AARS2: variants seen among roughly 807,000 people sequenced by gnomAD.
The protein encoded by AARS2 is alanyl-tRNA synthetase 2, mitochondrial.
A neutral mutation model predicts 119.7 loss-of-function variants in AARS2; 78 were observed. The observed-to-expected ratio is 0.65, with a 90% CI of 0.54 to 0.79. AARS2 has a LOEUF of 0.79. Among genes scored for constraint, AARS2 ranks in the 30% least tolerant of loss-of-function variants. The pLI is 0.00. For missense variants in AARS2, 1,157 were observed against 1,291.3 expected, an observed-to-expected ratio of 0.90 and a Z score of 1.59; for synonymous variants, 502 against 526.3, an observed-to-expected ratio of 0.95 and a Z score of 0.63.
At position 44,305,850 on chromosome 6, in the gene AARS2, A is replaced by G. The variant is rs1785798112; in HGVS notation, c.1301-64T>C. ...GGATTAGACAAAGAAGGGGAGAAAAATAAGGTCCAGGGCCCTTCTAACCAC... is the reference window on the plus strand; with the variant it reads ...GGATTAGACAAAGAAGGGGAGAAAAGTAAGGTCCAGGGCCCTTCTAACCAC... On this transcript the variant is annotated intron_variant, in intron 9 of 21. Coordinates refer to ENST00000244571, the MANE Select transcript of AARS2 (RefSeq NM_020745.4). This position sits in a 1 kb window ranked among gnomAD's most constrained non-coding sequence, Gnocchi z 4.6. The G allele has an allele frequency of 1.2e-6, 2 of 1,601,386 alleles. No individual in the cohort carries two copies. The highest frequency in any genetic ancestry group is 1.1e-5 in the South Asian group (1 of 90,762).
Position 44,302,185 on chromosome 6 carries a change from A to C in AARS2, c.2488-15T>G, listed in dbSNP as rs1561937247. The stretch of plus-strand genomic sequence containing the variant: ...GTTTCCACAGCCTATGGCCAGAAGC[A>C]GTACATCACCCCTGCCCTTCCCTGA... On this transcript the variant is annotated splice_polypyrimidine_tract_variant and intron_variant, in intron 18 of 21. Transcript: ENST00000244571. The C allele has an allele frequency of 6.2e-7, 1 of 1,613,918 alleles. No homozygotes were observed. Among genetic ancestry groups the C allele is most frequent in the East Asian group, 2.2e-5 (1 of 44,882 alleles).
chr6:44,300,815 T>TCCCACCATGTG, intron 21 of AARS2, 104 bp from the exon 22 acceptor site: 2 of 1,430,940 alleles, frequency 1.4e-6, no homozygotes, highest in Non-Finnish European at 1.9e-6. Context: ...AGTGCCCCCT[T>TCCCACCATGTG]CCCAGCTGGG....
At chr6:44,303,849 A>G (rs1367069292) in intron 14 of AARS2, among the ~76,000 whole-genome samples, 1 of 152,228 alleles carries the variant, frequency 6.6e-6, no homozygotes, top group African/African-American at 2.4e-5. Flanking sequence ...GGGTGGCAGC[A>G]GAGGGAGAGG....
At chr6:44,300,820 G>T in intron 21 of AARS2, 109 bp from the exon 22 acceptor site, 1 of 1,377,160 alleles carries the variant, frequency 7.3e-7, no homozygotes, top group Non-Finnish European at 1.0e-6. Flanking sequence ...CCCCTTCCCA[G>T]CTGGGCACAT....
chr6:44,302,550 A>G (rs1485086541), intron 17 of AARS2, 37 bp from the exon 18 acceptor site: 3 of 1,613,416 alleles, frequency 1.9e-6, no homozygotes, highest in Admixed American at 3.3e-5. Context: ...GATTACATTC[A>G]TCTCCCCAGG....
intron 2 of AARS2, 109 bp downstream of exon 2, chr6:44,311,954 GGCTCAACTA>G: frequency 8.0e-7 from 1 of 1,246,410 alleles, no homozygotes; most frequent in South Asian, 1.2e-5. Flanking sequence ...CTGTTACACC[GGCTCAACTA>G]GCACTTTGCC....
chr6:44,308,960 C>T (rs988113049), intron 5 of AARS2, among the ~76,000 whole-genome samples: 1 of 152,186 alleles, frequency 6.6e-6, no homozygotes, highest in Admixed American at 6.5e-5. Flanking sequence ...TTGAGGCCCA[C>T]AAGACTGGAT....
intron 4 of AARS2, 102 bp downstream of exon 4, chr6:44,310,892 C>T (rs147550655): frequency 1.0e-4 from 153 of 1,464,246 alleles, no homozygotes; most frequent in Non-Finnish European, 1.2e-4. Flanking sequence ...CGGTAAGCAC[C>T]GTTTACATGT....
chr6:44,305,072 G>T lies in AARS2; in HGVS notation c.1561C>A (p.Arg521=), dbSNP rs587777591. The part of the protein sequence containing the change: ...DDSPKYNYSL[R]PSGSYEFGTC... ...CTCTCACCATAACTTCCGCTGGGTC[G>T]CAGGGAGTAGTTGTACTTGGGGCTG... Residue 521 remains arginine (R), a synonymous_variant, in exon 11 of 22, where the codon CGA becomes AGA. Transcript: ENST00000244571. The surrounding 1 kb of genome is among the most constrained non-coding windows in gnomAD (Gnocchi z 4.6). 3 of 1,613,928 alleles carry T rather than the reference G, an allele frequency of 1.9e-6. No individual in the cohort carries two copies. The South Asian group carries it at 3.3e-5, about 18-fold the overall frequency.
rs1785730384 is a variant in AARS2 at position 44,305,178 on chromosome 6, C to T, written c.1455G>A (p.Glu485=). The stretch of plus-strand genomic sequence containing the variant: ...GCCACAATCCCTGCTTCTGAACTGG[C>T]TCAGCCTGCCGTGCCCGGTGCTGCA... ...EEAQHRARQA[E]PVQKQGLWLD... The change falls in exon 11 of 22, where the codon GAG becomes GAA. Residue 485 remains glutamate (E), a synonymous_variant. Coordinates refer to ENST00000244571, the MANE Select transcript of AARS2 (RefSeq NM_020745.4). The surrounding 1 kb of genome is among the most constrained non-coding windows in gnomAD (Gnocchi z 4.6). 1.2e-6 allele frequency: 2 copies of T among 1,612,730 alleles called. No homozygotes were observed. The highest frequency in any genetic ancestry group is 1.7e-6 in the Non-Finnish European group (2 of 1,180,038).
rs1399681535 is a variant in AARS2 at position 44,311,040 on chromosome 6, G to A, written c.703C>T (p.Pro235Ser). 4 of 1,613,988 alleles carry A rather than the reference G, an allele frequency of 2.5e-6. No individual in the cohort carries two copies. The highest frequency in any genetic ancestry group is 2.2e-5 in the South Asian group (2 of 91,084). The part of the protein sequence containing the change: ...HYDLAGGVGA[P>S]QLVELWNLVF... ...AGGTTCCAAAGCTCTACCAGCTGGGGGGCTCCCACCCCACCAGCAAGGTCG... is the reference window on the plus strand; with the variant it reads ...AGGTTCCAAAGCTCTACCAGCTGGGAGGCTCCCACCCCACCAGCAAGGTCG... The change falls in exon 4 of 22, where the codon CCC (proline) becomes TCC (serine). Residue 235 changes from proline to serine, a missense_variant. Transcript: ENST00000244571.
intron 4 of AARS2, 58 bp downstream of exon 4, chr6:44,310,936 A>T: frequency 6.2e-7 from 1 of 1,609,122 alleles, no homozygotes; most frequent in Non-Finnish European, 8.5e-7. Flanking sequence ...AAGTCTTCTA[A>T]TTGCCACCTT....
At chr6:44,303,978 G>A (rs1785595769) in intron 14 of AARS2, among the ~76,000 whole-genome samples, 1 of 152,282 alleles carries the variant, frequency 6.6e-6, no homozygotes, top group African/African-American at 2.4e-5. Context: ...AGAGCTGGGC[G>A]AGGCCCCAGA....
At position 44,304,742 on chromosome 6, in the gene AARS2, C is replaced by A. The variant is rs758194593; in HGVS notation, c.1655G>T (p.Gly552Val). 6.2e-7 allele frequency: 1 copy of A among 1,614,086 alleles called. No individual in the cohort carries two copies. ...GTCCAAGAGGAGGCCACAGCGCTGGCCTTTCCCCACGGAGGCCACTGCTGT... is the reference window on the plus strand; with the variant it reads ...GTCCAAGAGGAGGCCACAGCGCTGGACTTTCCCCACGGAGGCCACTGCTGT... Reference protein sequence around the residue: ...DGTAVASVGKGQRCGLLLDRT... With the variant: ...DGTAVASVGKVQRCGLLLDRT... The change falls in exon 12 of 22, where the codon GGC (glycine) becomes GTC (valine). Residue 552 changes from glycine to valine, a missense_variant. Transcript: ENST00000244571.
At chr6:44,311,982 T>A in intron 2 of AARS2, 90 bp downstream of exon 2, 1 of 1,493,212 alleles carries the variant, frequency 6.7e-7, no homozygotes, top group Admixed American at 1.7e-5. Context: ...CCTCCACATC[T>A]GGTATGAGGC....
In AARS2 at chr6:44,307,340, TG is replaced by T; in HGVS notation, c.948del (p.Thr317GlnfsTer49). On this transcript the variant is annotated frameshift_variant, in exon 6 of 22. Transcript: ENST00000244571. LOFTEE classifies it high-confidence loss of function. The surrounding 1 kb of genome is among the most constrained non-coding windows in gnomAD (Gnocchi z 4.4). The stretch of plus-strand genomic sequence containing the variant: ...GCCACCACGCGGTACGCTGTGTCTG[TG>T]CGCCCCTCGTCTGCCACCCCTACTC... The part of the protein sequence containing the change: ...LGRVGVADEG[R>X]TDTAYRVVAD... 1 of 1,612,330 alleles carries T rather than the reference TG, an allele frequency of 6.2e-7. No individual in the cohort carries two copies.
At position 44,304,746 on chromosome 6, in the gene AARS2, T is replaced by G. The variant is rs753472306; in HGVS notation, c.1651A>C (p.Lys551Gln). The G allele has an allele frequency of 1.2e-6, 2 of 1,614,178 alleles. No homozygotes were observed. The highest frequency in any genetic ancestry group is 1.7e-6 in the Non-Finnish European group (2 of 1,180,028). The stretch of plus-strand genomic sequence containing the variant: ...AAGAGGAGGCCACAGCGCTGGCCTT[T>G]CCCCACGGAGGCCACTGCTGTCCCG... ...EDGTAVASVG[K>Q]GQRCGLLLDR... Residue 551 changes from lysine to glutamine, a missense_variant, in exon 12 of 22, where the codon AAA becomes CAA. Transcript: ENST00000244571.
In AARS2 at chr6:44,303,143, C is replaced by G; in HGVS notation, c.2178G>C (p.Val726=). Reference sequence around the variant, plus strand: ...CCAATGCATGGGCCACGGGCACCCCCACTGATACCACCCGCACAGGGTCTG... The same window carrying G: ...CCAATGCATGGGCCACGGGCACCCCGACTGATACCACCCGCACAGGGTCTG... ...VYPDPVRVVS[V]GVPVAHALDP... The change falls in exon 16 of 22, where the codon GTG becomes GTC. Residue 726 remains valine, a synonymous_variant. Coordinates refer to ENST00000244571, the MANE Select transcript of AARS2 (RefSeq NM_020745.4). 1.2e-6 allele frequency: 2 copies of G among 1,614,182 alleles called. No homozygotes were observed. Among genetic ancestry groups the G allele is most frequent in the South Asian group, 1.1e-5 (1 of 91,084 alleles).
rs201265000 is a variant in AARS2, at chr6:44,304,511, C to T, written c.1775G>A (p.Arg592Gln). ...GATGAAACCTCCACAGACCTGGGCC[C>T]GGGCTACTGGGAACAGCACGTCCTG... ...GQEDVLFPVA[R>Q]AQVCGGFILH... is the part of the protein sequence containing the mutation. Residue 592 changes from arginine (R) to glutamine (Q), a missense_variant, in exon 13 of 22, where the codon CGG becomes CAG. By Grantham distance (43) the Arg-to-Gln change is conservative. Coordinates refer to ENST00000244571, the MANE Select transcript of AARS2 (RefSeq NM_020745.4). 20 of 1,614,132 alleles carry T rather than the reference C, an allele frequency of 1.2e-5. No homozygotes were observed. In the East Asian group the frequency reaches 2.0e-4, roughly 16 times the overall value.
Sources: allele counts gnomAD v4.1 joint callset (sites outside exome capture counted in the v4.1 genomes callset), GRCh38; gene constraint gnomAD v4.1.1; non-coding constraint Gnocchi (gnomAD v3.1); transcripts MANE v1.5; gene names NCBI Gene and HGNC (gene_info 2026-07-23, HGNC 2026-07-21).